Variants in CAMTA1 observed in about 807,000 individuals in gnomAD.
The protein encoded by CAMTA1 is calmodulin binding transcription activator 1.
In CAMTA1, 27 loss-of-function variants were observed where a neutral mutation model predicts 170.9. That is an observed-to-expected ratio of 0.16 (90% CI 0.12 to 0.22). CAMTA1 has a LOEUF of 0.22. Ranked by LOEUF, CAMTA1 falls within the 10% of genes least tolerant of loss-of-function variation. The pLI is 1.00. For missense variants in CAMTA1, 1,619 were observed against 2,217.2 expected, an observed-to-expected ratio of 0.73 and a Z score of 5.42; for synonymous variants, 833 against 891.5, an observed-to-expected ratio of 0.93 and a Z score of 1.17.
At chr1:7,746,941 T>A (rs1027702455) in intron 18 of CAMTA1, among the ~76,000 whole-genome samples, 5 of 152,306 alleles carry the variant, frequency 3.3e-5, no homozygotes, top group Non-Finnish European at 5.9e-5. Flanking sequence ...CCAGCCTTGA[T>A]TTTCCTATTC....
chr1:7,577,159 G>T (rs1453697607), intron 6 of CAMTA1, among the ~76,000 whole-genome samples: 2 of 152,220 alleles, frequency 1.3e-5, no homozygotes, highest in African/African-American at 4.8e-5. Flanking sequence ...CGGAGGCCCA[G>T]TGTGCTTGGC....
In CAMTA1 at chr1:6,970,317, G is replaced by T. The variant is rs1190330953; in HGVS notation, c.235-120987G>T. Among the ~76,000 whole-genome samples the T allele has an allele frequency of 2.6e-5, 4 of 152,178 alleles. No individual in the cohort carries two copies. Among genetic ancestry groups the T allele is most frequent in the African/African-American group, 9.7e-5 (4 of 41,428 alleles). ...TAATGTGTACGGGACCTTATGTCCT[G>T]CTTTGCTTGCACGACGTGCCATAAG... On this transcript the variant is annotated intron_variant, in intron 3 of 22. Transcript: ENST00000303635. This position sits in a 1 kb window ranked among gnomAD's most constrained non-coding sequence, Gnocchi z 4.4.
intron 22 of CAMTA1, 49 bp from the exon 23 acceptor site, chr1:7,766,410 A>G: frequency 6.3e-7 from 1 of 1,596,516 alleles, no homozygotes; most frequent in Non-Finnish European, 8.6e-7. Context: ...ACTTGGTCAC[A>G]ATTCACTATA....
chr1:7,736,607 C>T lies in CAMTA1; in HGVS notation c.3263+67C>T. On this transcript the variant is annotated intron_variant, in intron 13 of 22. Coordinates refer to ENST00000303635, the MANE Select transcript of CAMTA1 (RefSeq NM_015215.4). This position sits in a 1 kb window ranked among gnomAD's most constrained non-coding sequence, Gnocchi z 4.5. ...TCCTCGCTCACATTCTTCCTGAGCA[C>T]TGCCACCCGTGGAAGAAATCTACCC... The T allele has an allele frequency of 1.4e-6, 2 of 1,468,954 alleles. No homozygotes were observed. The highest frequency in any genetic ancestry group is 1.4e-5 in the African/African-American group (1 of 72,246). The allele number at this position is 1,468,954 out of a possible 1,614,324, so 91.0% of individuals were successfully genotyped here.
intron 3 of CAMTA1, among the ~76,000 whole-genome samples, chr1:6,920,768 C>G (rs1416500571): frequency 6.6e-6 from 1 of 152,232 alleles, no homozygotes; most frequent in Admixed American, 6.5e-5. Flanking sequence ...GGCTTCCACC[C>G]TCTGAAGCAA....
chr1:7,755,988 A>G (rs1447277337), intron 22 of CAMTA1, among the ~76,000 whole-genome samples: 1 of 152,252 alleles, frequency 6.6e-6, no homozygotes, highest in Non-Finnish European at 1.5e-5. Context: ...GTACACGGCC[A>G]AATAACGCTG....
At chr1:7,291,223 C>T (rs927893996) in intron 5 of CAMTA1, among the ~76,000 whole-genome samples, 1 of 152,174 alleles carries the variant, frequency 6.6e-6, no homozygotes, top group East Asian at 1.9e-4. Flanking sequence ...CGAAGACGGG[C>T]AGAGACAAAG....
chr1:6,900,309 C>T (rs1332767321), intron 3 of CAMTA1, among the ~76,000 whole-genome samples: 1 of 151,372 alleles, frequency 6.6e-6, no homozygotes, highest in Non-Finnish European at 1.5e-5. Context: ...TTGATGGTGG[C>T]CTCCCGTTCC....
At chr1:7,283,805 T>G (rs1314915155) in intron 5 of CAMTA1, among the ~76,000 whole-genome samples, 5 of 152,196 alleles carry the variant, frequency 3.3e-5, no homozygotes, top group Non-Finnish European at 7.3e-5. Flanking sequence ...CAGCCCAAGC[T>G]ACCACCACCA....
intron 3 of CAMTA1, among the ~76,000 whole-genome samples, chr1:6,879,787 A>ATT (rs760715822): frequency 1.2e-4 from 15 of 130,010 alleles, no homozygotes; most frequent in African/African-American, 3.1e-4. Context: ...GCTGCGCCTA[A>ATT]TTTTTTTTTT....
intron 3 of CAMTA1, among the ~76,000 whole-genome samples, chr1:6,860,623 A>G (rs957474625): frequency 1.3e-5 from 2 of 152,128 alleles, no homozygotes; most frequent in South Asian, 4.1e-4. Context: ...TTAAAGGTCT[A>G]TCAGGGCCGG....
chr1:7,366,687 G>A (rs539716972), intron 5 of CAMTA1, among the ~76,000 whole-genome samples: 6 of 152,300 alleles, frequency 3.9e-5, no homozygotes, highest in East Asian at 3.9e-4. Context: ...TCGGCTCCTC[G>A]GTGCACATGT....
intron 10 of CAMTA1, 117 bp from the exon 11 acceptor site, chr1:7,677,482 G>A (rs2149274622): frequency 1.7e-6 from 2 of 1,174,198 alleles, no homozygotes. Flanking sequence ...CCATTAAGGA[G>A]AGCTGGACAT....
chr1:7,385,510 C>T (rs963556107), intron 5 of CAMTA1, among the ~76,000 whole-genome samples: 5 of 152,130 alleles, frequency 3.3e-5, no homozygotes, highest in African/African-American at 1.2e-4. Context: ...ACTGGGCTCG[C>T]GGGCCAGTGT....
intron 5 of CAMTA1, among the ~76,000 whole-genome samples, chr1:7,337,508 C>T (rs1018437751): frequency 1.3e-3 from 1 of 752 alleles, no homozygotes; most frequent in African/African-American, 3.9e-3. Context: ...ACAGTGTGGG[C>T]CGTGGGCTCA....
chr1:7,176,321 A>G (rs923961888), intron 4 of CAMTA1, among the ~76,000 whole-genome samples: 7 of 152,188 alleles, frequency 4.6e-5, no homozygotes, highest in Non-Finnish European at 1.0e-4. Flanking sequence ...CCCACACTCA[A>G]GGCATTCTGA....
rs576668473 is a variant in CAMTA1, at chr1:7,330,533, G to C, written c.438+80907G>C. Among the ~76,000 whole-genome samples, 3 of 152,252 alleles carry C rather than the reference G, an allele frequency of 2.0e-5. No individual in the cohort carries two copies. In the East Asian group the frequency reaches 5.8e-4, roughly 29 times the overall value. On this transcript the variant is annotated intron_variant, in intron 5 of 22. Coordinates refer to ENST00000303635, the MANE Select transcript of CAMTA1 (RefSeq NM_015215.4). ...GATGAGGAACCAGGAGCACCCACAT[G>C]TACCATGGGTGAACCCCAACAGGAT... is the stretch of plus-strand genomic sequence containing the variant.
In CAMTA1 at chr1:7,479,115, C is replaced by T. The variant is rs569831034; in HGVS notation, c.510+11214C>T. Among the ~76,000 whole-genome samples the T allele has an allele frequency of 3.9e-5, 6 of 152,236 alleles. No individual in the cohort carries two copies. In the South Asian group the frequency reaches 1.2e-3, roughly 32 times the overall value. ...AGCTGGTGATGTTGGTCTGTGTGGGCGTGTCAGAGACTCTAGCTCAACAAG... is the reference window on the plus strand; with the variant it reads ...AGCTGGTGATGTTGGTCTGTGTGGGTGTGTCAGAGACTCTAGCTCAACAAG... On this transcript the variant is annotated intron_variant, in intron 6 of 22. Coordinates refer to ENST00000303635, the MANE Select transcript of CAMTA1 (RefSeq NM_015215.4).
intron 7 of CAMTA1, among the ~76,000 whole-genome samples, chr1:7,656,790 A>G (rs2095907448): frequency 6.6e-6 from 1 of 152,256 alleles, no homozygotes; most frequent in Admixed American, 6.5e-5. Flanking sequence ...ATTGTTCATC[A>G]GAAGATGCTC....
Sources: allele counts gnomAD v4.1 joint callset (sites outside exome capture counted in the v4.1 genomes callset), GRCh38; gene constraint gnomAD v4.1.1; non-coding constraint Gnocchi (gnomAD v3.1); transcripts MANE v1.5; gene names NCBI Gene and HGNC (gene_info 2026-07-23, HGNC 2026-07-21).